The following BRINP3 variants were observed in gnomAD, a reference collection of about 807,000 sequenced individuals.
BRINP3 encodes the protein BMP/retinoic acid inducible neural specific 3.
Under a neutral mutation model 71.0 loss-of-function variants are expected in BRINP3, and 19 were observed. The observed-to-expected ratio is 0.27, with a 90% CI of 0.19 to 0.39. BRINP3 has a LOEUF of 0.39. Ranked by LOEUF, BRINP3 falls within the 10% of genes least tolerant of loss-of-function variation. The probability of loss-of-function intolerance (pLI) is 1.00; values close to 1 mark genes in which losing one functional copy is unlikely to be tolerated. For synonymous variants in BRINP3, 380 were observed against 337.7 expected (o/e 1.13, Z -1.37); for missense variants, 959 against 940.8 (o/e 1.02, Z -0.25).
At chr1:190,418,845 C>A (rs911813215) in intron 2 of BRINP3, among the ~76,000 whole-genome samples, 1 of 151,952 alleles carries the variant, frequency 6.6e-6, no homozygotes, top group South Asian at 2.1e-4. Context: ...AAAAGCACCT[C>A]GGCACACTCA....
intron 6 of BRINP3, among the ~76,000 whole-genome samples, chr1:190,165,443 G>GGT: frequency 2.1e-5 from 1 of 46,624 alleles, no homozygotes; most frequent in Non-Finnish European, 3.5e-5. Flanking sequence ...TTCATTGGCT[G>GGT]TTTTTTTTTT....
chr1:190,103,235 T>G (rs1013136447), intron 7 of BRINP3, among the ~76,000 whole-genome samples: 5 of 152,070 alleles, frequency 3.3e-5, no homozygotes, highest in Non-Finnish European at 7.4e-5. Flanking sequence ...GGACTATCGA[T>G]AGTTTTCTGA....
In BRINP3 at chr1:190,097,777, T is replaced by C. The variant is rs1481247878; in HGVS notation, c.*241A>G. 2.5e-6 allele frequency: 1 copy of C among 405,014 alleles called. No individual in the cohort carries two copies. Among genetic ancestry groups the C allele is most frequent in the Non-Finnish European group, 4.4e-6 (1 of 228,046 alleles). 25.1% of individuals were successfully genotyped at this position (405,014 alleles called of 1,614,324 possible). A position where few individuals can be genotyped will look rare whatever the true frequency, so the allele number is the denominator to read the frequency against. ...ATATAAAATTACAAATGAAATTTATTGTAAAAAGTAGAATGTCTTCTAGAC... is the reference window on the plus strand; with the variant it reads ...ATATAAAATTACAAATGAAATTTATCGTAAAAAGTAGAATGTCTTCTAGAC... On this transcript the variant is annotated 3_prime_UTR_variant, in exon 8 of 8. Transcript: ENST00000367462.
intron 1 of BRINP3, among the ~76,000 whole-genome samples, chr1:190,476,222 G>A (rs1382871736): frequency 7.0e-6 from 1 of 143,206 alleles, no homozygotes; most frequent in Admixed American, 7.3e-5. Context: ...AGCCATCAAT[G>A]ACGACAAGAA....
Position 190,285,530 on chromosome 1 carries a change from C to T in BRINP3, c.237-3780G>A, listed in dbSNP as rs117417902. On this transcript the variant is annotated intron_variant, in intron 2 of 7. Transcript: ENST00000367462. ...GGGAGAATCACTTGAACCCAGGAGG[C>T]GGAGGTGGCAGTGAACCGAGATCAT... Among the ~76,000 whole-genome samples the T allele has an allele frequency of 9.9e-5, 15 of 151,882 alleles. No individual in the cohort carries two copies. In the East Asian group the frequency reaches 2.5e-3, roughly 25 times the overall value.
intron 7 of BRINP3, among the ~76,000 whole-genome samples, chr1:190,128,671 C>T (rs540127033): frequency 2.6e-4 from 39 of 151,826 alleles, no homozygotes; most frequent in African/African-American, 9.2e-4. Context: ...GGATTAATTC[C>T]TATTTGATAT....
intron 2 of BRINP3, among the ~76,000 whole-genome samples, chr1:190,321,458 G>T (rs1204633958): frequency 1.3e-5 from 2 of 152,064 alleles, no homozygotes; most frequent in African/African-American, 4.8e-5. Flanking sequence ...ATAAGATTCT[G>T]ATTTATAGAA....
At chr1:190,326,837 A>G (rs1666607086) in intron 2 of BRINP3, among the ~76,000 whole-genome samples, 1 of 152,092 alleles carries the variant, frequency 6.6e-6, no homozygotes, top group African/African-American at 2.4e-5. Flanking sequence ...GATAGCCACT[A>G]CTGCAAAAAC....
intron 6 of BRINP3, among the ~76,000 whole-genome samples, chr1:190,178,894 A>T (rs927926355): frequency 2.6e-5 from 4 of 152,180 alleles, no homozygotes; most frequent in African/African-American, 9.6e-5. Flanking sequence ...TTTATTTTAT[A>T]CAGAATTATT....
chr1:190,219,585 A>T (rs901210871), intron 6 of BRINP3, among the ~76,000 whole-genome samples: 8 of 152,044 alleles, frequency 5.3e-5, no homozygotes, highest in South Asian at 4.1e-4. Flanking sequence ...CACGCCTGTA[A>T]TCCCAGCACT....
At chr1:190,408,524 T>C (rs1248388436) in intron 2 of BRINP3, among the ~76,000 whole-genome samples, 2 of 152,184 alleles carry the variant, frequency 1.3e-5, no homozygotes, top group Non-Finnish European at 2.9e-5. Flanking sequence ...AAGGTCCCTT[T>C]CAGCTCTAAA....
chr1:190,151,336 G>C (rs1191686752), intron 7 of BRINP3, among the ~76,000 whole-genome samples: 1 of 151,996 alleles, frequency 6.6e-6, no homozygotes, highest in African/African-American at 2.4e-5. Flanking sequence ...AAGATTTCAC[G>C]GTCAAAAACA....
Position 190,132,915 on chromosome 1 carries a change from T to A in BRINP3, c.1184+27753A>T, listed in dbSNP as rs572796446. On this transcript the variant is annotated intron_variant, in intron 7 of 7. Coordinates refer to ENST00000367462, the MANE Select transcript of BRINP3 (RefSeq NM_199051.3). ...GCCAGCTAACACGTCATAAGGACAC[T>A]CAAAAAGCACTTTGACAAGTCCACC... Among the ~76,000 whole-genome samples, 11 of 152,142 alleles carry A rather than the reference T, an allele frequency of 7.2e-5. 1 individual carries two copies. Among genetic ancestry groups the A allele is most frequent in the Middle Eastern group, 3.4e-3 (1 of 294 alleles).
intron 2 of BRINP3, among the ~76,000 whole-genome samples, chr1:190,378,179 T>C (rs1670301356): frequency 6.6e-6 from 1 of 152,198 alleles, no homozygotes; most frequent in Non-Finnish European, 1.5e-5. Context: ...TTTGACAGTA[T>C]TGTTTGTCTA....
chr1:190,257,062 G>C (rs563240109), intron 4 of BRINP3, among the ~76,000 whole-genome samples: 2 of 152,296 alleles, frequency 1.3e-5, no homozygotes, highest in African/African-American at 4.8e-5. Context: ...AGTTCTCCTG[G>C]ATGATATCCT....
chr1:190,267,634 G>A (rs1379566444), intron 3 of BRINP3, among the ~76,000 whole-genome samples: 1 of 151,896 alleles, frequency 6.6e-6, no homozygotes, highest in East Asian at 1.9e-4. Flanking sequence ...ACCAAAAGTA[G>A]CTTCTTTCAG....
chr1:190,099,344 ATTC>A (rs1463510270), intron 7 of BRINP3, among the ~76,000 whole-genome samples: 2 of 151,940 alleles, frequency 1.3e-5, no homozygotes, highest in African/African-American at 4.8e-5. Context: ...GTGTATGTAT[ATTC>A]CATTTATCAC....
intron 2 of BRINP3, among the ~76,000 whole-genome samples, chr1:190,349,374 G>C (rs1006721140): frequency 3.3e-5 from 5 of 152,066 alleles, no homozygotes; most frequent in Admixed American, 1.3e-4. Flanking sequence ...TGAAGAAGGA[G>C]AAACAGGAGG....
intron 2 of BRINP3, among the ~76,000 whole-genome samples, chr1:190,359,784 A>G (rs1224588784): frequency 2.0e-5 from 3 of 152,106 alleles, no homozygotes; most frequent in East Asian, 3.9e-4. Context: ...TCCTTTAATT[A>G]AGCATATATA....
Sources: allele counts gnomAD v4.1 joint callset (sites outside exome capture counted in the v4.1 genomes callset), GRCh38; gene constraint gnomAD v4.1.1; transcripts MANE v1.5; gene names NCBI Gene and HGNC (gene_info 2026-07-23, HGNC 2026-07-21).